Variants in XPR1 observed in about 807,000 individuals in gnomAD.
XPR1 encodes xenotropic and polytropic retrovirus receptor 1, also known as solute carrier family 53 member 1.
Under a neutral mutation model 87.5 loss-of-function variants are expected in XPR1, and 28 were observed. That is an observed-to-expected ratio of 0.32 (90% CI 0.24 to 0.44). The LOEUF (loss-of-function observed/expected upper bound fraction) is 0.44. Ranked by LOEUF, XPR1 falls within the 20% of genes least tolerant of loss-of-function variation. The pLI is 1.00. For missense variants in XPR1, 559 were observed against 862.3 expected, an observed-to-expected ratio of 0.65 and a Z score of 4.41; for synonymous variants, 300 against 306.1, an observed-to-expected ratio of 0.98 and a Z score of 0.21.
chr1:180,866,778 A>G, intron 12 of XPR1, among the ~76,000 whole-genome samples: 1 of 151,496 alleles, frequency 6.6e-6, no homozygotes, highest in Middle Eastern at 3.4e-3. Context: ...AAGATATAAC[A>G]CTATACACAT....
intron 2 of XPR1, among the ~76,000 whole-genome samples, chr1:180,765,647 C>T (rs1485457496): frequency 6.6e-6 from 1 of 152,108 alleles, no homozygotes; most frequent in Non-Finnish European, 1.5e-5. Context: ...TGTTTTAAAT[C>T]TTCTCTGGAT....
intron 7 of XPR1, among the ~76,000 whole-genome samples, chr1:180,822,818 GAAATCTGGTCTGTAGTACTTGATTCC>G (rs1386506092): frequency 6.6e-6 from 1 of 152,166 alleles, no homozygotes; most frequent in East Asian, 1.9e-4. Flanking sequence ...GCTAGGATTT[GAAATCTGGTCTGTAGTACTTGATTCC>G]AAAGCAAAGG....
chr1:180,737,634 C>T (rs941357096), intron 2 of XPR1, among the ~76,000 whole-genome samples: 6 of 152,132 alleles, frequency 3.9e-5, no homozygotes, highest in Admixed American at 6.5e-5. Flanking sequence ...GCATAACCCG[C>T]GCCAGCTGCT....
Position 180,825,179 on chromosome 1 carries a change from C to G in XPR1, c.969C>G (p.Leu323=), listed in dbSNP as rs531488499. ...HQHLFEIAGF[L]GILWCLSLLA... is the part of the protein sequence containing the mutation. ...TCCTTTACTAGATTGCTGGATTCCT[C>G]GGGATATTGTGGTGCCTGAGCCTTC... The change falls in exon 9 of 15, where the codon CTC becomes CTG. Residue 323 remains leucine, a synonymous_variant. Transcript: ENST00000367590. 1 of 1,609,108 alleles carries G rather than the reference C, an allele frequency of 6.2e-7. No homozygotes were observed.
intron 1 of XPR1, among the ~76,000 whole-genome samples, chr1:180,655,046 C>G (rs567970626): frequency 6.6e-6 from 1 of 152,162 alleles, no homozygotes; most frequent in Non-Finnish European, 1.5e-5. Flanking sequence ...TACATTTCCA[C>G]CAACAGTGCA....
At chr1:180,659,094 C>CCCTT (rs1655643831) in intron 1 of XPR1, among the ~76,000 whole-genome samples, 1 of 97,032 alleles carries the variant, frequency 1.0e-5, no homozygotes, top group Admixed American at 1.0e-4. Context: ...CTTCCTTCCT[C>CCCTT]CCTCCCTCCC....
chr1:180,716,319 C>T (rs1293187610), intron 2 of XPR1, among the ~76,000 whole-genome samples: 1 of 151,924 alleles, frequency 6.6e-6, no homozygotes, highest in Non-Finnish European at 1.5e-5. Flanking sequence ...GAACTCCTCG[C>T]CTCAGGTGAT....
chr1:180,692,613 A>G (rs1013383891), intron 2 of XPR1, among the ~76,000 whole-genome samples: 2 of 152,130 alleles, frequency 1.3e-5, no homozygotes, highest in South Asian at 4.1e-4. Flanking sequence ...TATTAACTTC[A>G]AAAATGGACT....
chr1:180,879,582 C>T (rs1652779980), intron 13 of XPR1, among the ~76,000 whole-genome samples: 1 of 152,202 alleles, frequency 6.6e-6, no homozygotes, highest in Non-Finnish European at 1.5e-5. Flanking sequence ...TTCTTTGTAT[C>T]AGTCAGGTTT....
Position 180,806,574 on chromosome 1 carries a change from A to G in XPR1, c.681+17A>G, listed in dbSNP as rs760926830. 6.2e-7 allele frequency: 1 copy of G among 1,603,706 alleles called. No homozygotes were observed. The highest frequency in any genetic ancestry group is 8.5e-7 in the Non-Finnish European group (1 of 1,172,602). On this transcript the variant is annotated intron_variant, in intron 6 of 14. Transcript: ENST00000367590. ...GCTGCTCAGGTTAGTATTTGGTTCC[A>G]GTAGTTTGTTTGGTTTCACCTATTT... is the stretch of plus-strand genomic sequence containing the variant.
intron 1 of XPR1, among the ~76,000 whole-genome samples, chr1:180,635,977 A>T (rs1654745087): frequency 6.6e-6 from 1 of 152,192 alleles, no homozygotes; most frequent in African/African-American, 2.4e-5. Context: ...CCTTTCAAAA[A>T]TTTTTGATAT....
At chr1:180,716,318 G>T (rs1314004743) in intron 2 of XPR1, among the ~76,000 whole-genome samples, 1 of 151,468 alleles carries the variant, frequency 6.6e-6, no homozygotes, top group Non-Finnish European at 1.5e-5. Flanking sequence ...TGAACTCCTC[G>T]CCTCAGGTGA....
intron 11 of XPR1, among the ~76,000 whole-genome samples, chr1:180,855,712 C>A (rs1652006743): frequency 6.6e-6 from 1 of 151,402 alleles, no homozygotes; most frequent in Non-Finnish European, 1.5e-5. Flanking sequence ...CTATAACTTT[C>A]ATTGCTTTTC....
At chr1:180,788,251 C>G (rs887808856) in intron 3 of XPR1, among the ~76,000 whole-genome samples, 6 of 152,172 alleles carry the variant, frequency 3.9e-5, no homozygotes, top group Non-Finnish European at 5.9e-5. Context: ...ACTTATTTCT[C>G]TAAAGCACTG....
In XPR1 at chr1:180,880,406, C is replaced by T. The variant is rs1652813291; in HGVS notation, c.2030+109C>T. ...TGAACCAAATGAAATTGCCAATACT[C>T]AGCCATTTTTCACCTACAAAAAAAC... is the stretch of plus-strand genomic sequence containing the variant. On this transcript the variant is annotated intron_variant, in intron 14 of 14. Coordinates refer to ENST00000367590, the MANE Select transcript of XPR1 (RefSeq NM_004736.4). 4 of 1,239,482 alleles carry T rather than the reference C, an allele frequency of 3.2e-6. No homozygotes were observed. In the Admixed American group the frequency reaches 6.5e-5, roughly 20 times the overall value. The allele number at this position is 1,239,482 out of a possible 1,614,324, so 76.8% of individuals were successfully genotyped here. A position where few individuals can be genotyped will look rare whatever the true frequency, so the allele number is the denominator to read the frequency against.
intron 2 of XPR1, among the ~76,000 whole-genome samples, chr1:180,694,113 G>A (rs907985124): frequency 6.6e-6 from 1 of 152,010 alleles, no homozygotes; most frequent in African/African-American, 2.4e-5. Flanking sequence ...GCATGCCAGT[G>A]TGCCTGGATA....
intron 2 of XPR1, among the ~76,000 whole-genome samples, chr1:180,764,134 A>G (rs1648175495): frequency 6.6e-6 from 1 of 152,232 alleles, no homozygotes; most frequent in African/African-American, 2.4e-5. Context: ...GATGCCAAAC[A>G]ACCACAGATC....
In XPR1 at chr1:180,811,534, T is replaced by G. The variant is rs754658793; in HGVS notation, c.763+46T>G. ...ATTAATTTATTCTTACCAATATGCC[T>G]GTGTCATATTCTGCCCCTCTGTAAG... is the stretch of plus-strand genomic sequence containing the variant. On this transcript the variant is annotated intron_variant, in intron 7 of 14. Coordinates refer to ENST00000367590, the MANE Select transcript of XPR1 (RefSeq NM_004736.4). 65 of 1,453,256 alleles carry G rather than the reference T, an allele frequency of 4.5e-5. 1 individual carries two copies. The South Asian group carries it at 7.5e-4, about 17-fold the overall frequency. The allele number at this position is 1,453,256 out of a possible 1,614,324, so 90.0% of individuals were successfully genotyped here.
chr1:180,812,120 G>C (rs116277337), intron 7 of XPR1, among the ~76,000 whole-genome samples: 274 of 150,926 alleles, frequency 1.8e-3, no homozygotes, highest in African/African-American at 6.4e-3. Context: ...ACCACTTCTT[G>C]AAACACTTTG....
Sources: gnomAD v4.1 joint callset for allele counts (sites outside exome capture counted in the v4.1 genomes callset) on GRCh38, gnomAD v4.1.1 for gene constraint, MANE v1.5 for transcripts, NCBI Gene and HGNC (gene_info 2026-07-23, HGNC 2026-07-21) for gene names.